SLC12A2: variants seen among roughly 807,000 people sequenced by gnomAD.
SLC12A2 encodes the protein Na-K-2Cl cotransporter 1.
In SLC12A2, 67 loss-of-function variants were observed where a neutral mutation model predicts 136.3. The observed-to-expected ratio is 0.49, with a 90% confidence interval of 0.40 to 0.60. The LOEUF is 0.60. Among genes scored for constraint, SLC12A2 ranks in the 20% least tolerant of loss-of-function variants. The pLI is 0.00. For missense variants in SLC12A2, 1,322 were observed against 1,534.7 expected (o/e 0.86, Z 2.32); for synonymous variants, 619 against 562.9 (o/e 1.10, Z -1.41).
chr5:128,178,867 C>A (rs556106148), intron 22 of SLC12A2, among the ~76,000 whole-genome samples, 178 bp downstream of exon 22: 4 of 152,224 alleles, frequency 2.6e-5, no homozygotes, highest in African/African-American at 9.6e-5. Flanking sequence ...CTTCAGTATC[C>A]CTAATGCGGA....
chr5:128,180,948 G>T lies in SLC12A2; in HGVS notation c.3166G>T (p.Val1056Leu), dbSNP rs935708301. 3.7e-6 allele frequency: 6 copies of T among 1,612,592 alleles called. No homozygotes were observed. In the African/African-American group the frequency reaches 8.0e-5, roughly 22 times the overall value. Residue 1056 changes from valine to leucine, a missense_variant, in exon 23 of 27, where the codon GTA becomes TTA. Val to Leu is a conservative substitution (Grantham distance 32). This residue lies in a region of SLC12A2 where 172 missense variants were observed against 227.4 expected (regional missense o/e 0.76). Coordinates refer to ENST00000262461, the MANE Select transcript of SLC12A2 (RefSeq NM_001046.3). ...KKKWKDCKIR[V>L]FIGGKINRID... ...AAAATGGAAAGACTGTAAGATCAGA[G>T]TATTCATTGGTGGAAAGATAAACAG...
chr5:128,166,001 CCAAGT>C (rs143190764), intron 17 of SLC12A2, among the ~76,000 whole-genome samples: 39,949 of 146,474 alleles, frequency 0.27, 5,710 homozygotes, highest in African/African-American at 0.37. Context: ...ATCTGCCTCT[CCAAGT>C]CAAAGGTCCT....
chr5:128,091,219 G>A (rs1201524276), intron 1 of SLC12A2, among the ~76,000 whole-genome samples: 1 of 152,098 alleles, frequency 6.6e-6, no homozygotes, highest in Non-Finnish European at 1.5e-5. Context: ...TGTATGGACA[G>A]AGTAATACTA....
intron 10 of SLC12A2, among the ~76,000 whole-genome samples, chr5:128,146,543 T>G (rs981353406): frequency 1.3e-5 from 2 of 151,304 alleles, no homozygotes; most frequent in African/African-American, 2.4e-5. Flanking sequence ...TTGGTGTTTT[T>G]TTTTTTTTTA....
intron 1 of SLC12A2, among the ~76,000 whole-genome samples, chr5:128,093,074 T>C (rs1297571754): frequency 6.6e-6 from 1 of 152,196 alleles, no homozygotes; most frequent in Non-Finnish European, 1.5e-5. Flanking sequence ...TTTGCATAAA[T>C]AGTTCTTGTT....
intron 1 of SLC12A2, among the ~76,000 whole-genome samples, chr5:128,100,804 G>A (rs1760716780): frequency 6.6e-6 from 1 of 152,160 alleles, no homozygotes; most frequent in Non-Finnish European, 1.5e-5. Flanking sequence ...ACTGGAAGGT[G>A]TAAGTTTTCT....
At chr5:128,134,497 AT>A (rs2126702520) in intron 6 of SLC12A2, among the ~76,000 whole-genome samples, 1 of 152,146 alleles carries the variant, frequency 6.6e-6, no homozygotes. Flanking sequence ...TACTTTGTAA[AT>A]TTTGAATTTC....
In SLC12A2 at chr5:128,174,621, T is replaced by G. The variant is rs1227986821; in HGVS notation, c.2884T>G (p.Leu962Val). 1.2e-6 allele frequency: 2 copies of G among 1,609,234 alleles called. No homozygotes were observed. Among genetic ancestry groups the G allele is most frequent in the African/African-American group, 2.7e-5 (2 of 74,806 alleles). ...TGTGGAATATAGTAAAAAGTCCGAT[T>G]TAGATACTTCCAAACCACTCAGTGA... ...VSVEYSKKSD[L>V]DTSKPLSEKP... Residue 962 changes from leucine (L) to valine (V), a missense_variant, in exon 20 of 27, where the codon TTA becomes GTA. Physicochemically the swap from Leu to Val is conservative, Grantham distance 32. Around this residue, in one of 8 missense-constraint regions of SLC12A2, gnomAD observed 226 missense variants for 210.4 expected, o/e 1.07. Coordinates refer to ENST00000262461, the MANE Select transcript of SLC12A2 (RefSeq NM_001046.3).
intron 18 of SLC12A2, chr5:128,168,085 TATAC>T (rs965875432): frequency 6.9e-4 from 257 of 373,854 alleles, no homozygotes; most frequent in African/African-American, 8.7e-4. Context: ...TATATATATA[TATAC>T]ACACACACAC....
chr5:128,110,676 A>G (rs928806424), intron 1 of SLC12A2: 10 of 1,341,130 alleles, frequency 7.5e-6, no homozygotes, highest in Middle Eastern at 3.6e-4. Context: ...TACTATGAAC[A>G]TTTTTACAAT....
At position 128,186,807 on chromosome 5, in the gene SLC12A2, G is replaced by T. The variant is rs547509906; in HGVS notation, c.*176G>T. On this transcript the variant is annotated 3_prime_UTR_variant, in exon 27 of 27. Transcript: ENST00000262461. ...CATTGATAACGTGTATGGAGACTTCGGTTTTAGTCAATTCCATATCTCAAT... is the reference window on the plus strand; with the variant it reads ...CATTGATAACGTGTATGGAGACTTCTGTTTTAGTCAATTCCATATCTCAAT... The T allele has an allele frequency of 3.8e-6, 2 of 526,158 alleles. No homozygotes were observed. The highest frequency in any genetic ancestry group is 4.2e-5 in the South Asian group (1 of 23,756). 32.6% of individuals were successfully genotyped at this position (526,158 alleles called of 1,614,324 possible). A position where few individuals can be genotyped will look rare whatever the true frequency, so the allele number is the denominator to read the frequency against.
In SLC12A2 at chr5:128,151,328, G is replaced by T; in HGVS notation, c.2195G>T (p.Trp732Leu). 6.2e-7 allele frequency: 1 copy of T among 1,612,450 alleles called. No individual in the cohort carries two copies. Among genetic ancestry groups the T allele is most frequent in the Non-Finnish European group, 8.5e-7 (1 of 1,179,298 alleles). Residue 732 changes from tryptophan to leucine, a missense_variant, in exon 14 of 27, where the codon TGG becomes TTG. Transcript: ENST00000262461. ...LCCIVMFVINWWAALLTYVIV... is the reference protein window; with the variant it reads ...LCCIVMFVINLWAALLTYVIV... ...TGCATAGTAATGTTCGTCATTAACT[G>T]GTGGGCTGCATTGCTAACATATGTG...
chr5:128,126,433 G>C (rs1761798569), intron 4 of SLC12A2, among the ~76,000 whole-genome samples: 1 of 152,158 alleles, frequency 6.6e-6, no homozygotes, highest in Non-Finnish European at 1.5e-5. Context: ...CTGTTGGTGG[G>C]AATGTAAATT....
chr5:128,122,326 C>T (rs1761614356), intron 4 of SLC12A2, among the ~76,000 whole-genome samples: 2 of 152,134 alleles, frequency 1.3e-5, no homozygotes, highest in Admixed American at 6.5e-5. Context: ...TTGTGACAGA[C>T]ACTGGGTTTT....
intron 1 of SLC12A2, chr5:128,110,733 G>A: frequency 2.1e-6 from 3 of 1,458,050 alleles, no homozygotes; most frequent in Non-Finnish European, 1.9e-6. Context: ...AGAGCAACCT[G>A]AGCGATCTGC....
At chr5:128,127,401 G>T (rs185775197) in intron 4 of SLC12A2, among the ~76,000 whole-genome samples, 26 of 151,994 alleles carry the variant, frequency 1.7e-4, no homozygotes, top group Non-Finnish European at 1.0e-4. Context: ...GATTACAGGC[G>T]TGAGCCACCG....
rs1759891688 is a variant in SLC12A2 at position 128,083,842 on chromosome 5, A to G, written c.-113A>G. On this transcript the variant is annotated 5_prime_UTR_variant, in exon 1 of 27. Coordinates refer to ENST00000262461, the MANE Select transcript of SLC12A2 (RefSeq NM_001046.3). ...GCGGCGGCCCGCAGGCGGCGGGGAG[A>G]AAGACTCTCTCACCTGGTCTTGCGG... The G allele has an allele frequency of 1.0e-5, 8 of 802,944 alleles. No homozygotes were observed. The highest frequency in any genetic ancestry group is 4.5e-5 in the Admixed American group (1 of 22,280). 49.7% of individuals were successfully genotyped at this position (802,944 alleles called of 1,614,324 possible). A position where few individuals can be genotyped will look rare whatever the true frequency, so the allele number is the denominator to read the frequency against.
chr5:128,111,562 G>A (rs1299604863), intron 1 of SLC12A2, among the ~76,000 whole-genome samples: 2 of 151,936 alleles, frequency 1.3e-5, no homozygotes, highest in African/African-American at 2.4e-5. Context: ...TCAGGAGATC[G>A]AGACCATCCT....
At chr5:128,096,613 A>C (rs1760547406) in intron 1 of SLC12A2, among the ~76,000 whole-genome samples, 1 of 152,082 alleles carries the variant, frequency 6.6e-6, no homozygotes, top group Non-Finnish European at 1.5e-5. Context: ...TTTGCAAATA[A>C]GTATTTTAAA....
Sources: gnomAD v4.1 joint callset for allele counts (sites outside exome capture counted in the v4.1 genomes callset) on GRCh38, gnomAD v4.1.1 for gene constraint, gnomAD v4.1.1 regional missense constraint, MANE v1.5 for transcripts, NCBI Gene and HGNC (gene_info 2026-07-23, HGNC 2026-07-21) for gene names.